Variants in LRP5 observed in about 807,000 individuals in gnomAD.
LRP5 encodes the protein LDL receptor related protein 5.
Under a neutral mutation model 154.1 loss-of-function variants are expected in LRP5, and 62 were observed. That is an observed-to-expected ratio of 0.40 (90% confidence interval 0.33 to 0.50). The LOEUF is 0.50. LRP5 is among the 20% of genes least tolerant of loss of function. The pLI, the probability that LRP5 is intolerant of heterozygous loss-of-function variation, is 0.55. For missense variants in LRP5, 1,915 were observed against 2,336.7 expected (o/e 0.82, Z 3.72); for synonymous variants, 966 against 1,011.5 (o/e 0.96, Z 0.85).
At chr11:68,389,820 C>T (rs1160477776) in intron 6 of LRP5, 61 bp from the exon 7 acceptor site, 2 of 1,589,098 alleles carry the variant, frequency 1.3e-6, no homozygotes, top group African/African-American at 1.3e-5. Flanking sequence ...GCTCTTGGCA[C>T]TGGGGATGCT....
At chr11:68,378,131 T>C (rs2098638376) in intron 5 of LRP5, among the ~76,000 whole-genome samples, 1 of 150,682 alleles carries the variant, frequency 6.6e-6, no homozygotes, top group Non-Finnish European at 1.5e-5. Flanking sequence ...GGGGCTGCCC[T>C]GCCTCCTTTT....
intron 5 of LRP5, among the ~76,000 whole-genome samples, chr11:68,368,042 G>A (rs376459704): frequency 2.7e-5 from 4 of 146,918 alleles, no homozygotes; most frequent in East Asian, 2.0e-4. Flanking sequence ...TCCAGCCTGG[G>A]CAACAGAGTG....
rs188136767 is a variant in LRP5 at position 68,427,911 on chromosome 11, T to C, written c.3638-1664T>C. On this transcript the variant is annotated intron_variant, in intron 16 of 22. Coordinates refer to ENST00000294304, the MANE Select transcript of LRP5 (RefSeq NM_002335.4). ...GACACATTTGGTTAACTGGATAGAA[T>C]AACGCGAGTTCCCAGGGACTTGGTC... 2.8e-4 allele frequency among the ~76,000 whole-genome samples: 43 copies of C among 152,254 alleles called. 1 individual carries two copies. Among genetic ancestry groups the C allele is most frequent in the African/African-American group, 1.0e-3 (42 of 41,554 alleles).
Position 68,316,442 on chromosome 11 carries a change from T to C in LRP5, c.91+3637T>C, listed in dbSNP as rs139475265. On this transcript the variant is annotated intron_variant, in intron 1 of 22. Coordinates refer to ENST00000294304, the MANE Select transcript of LRP5 (RefSeq NM_002335.4). The stretch of plus-strand genomic sequence containing the variant: ...GCCCGCCACCACGCCCAGCTAATTT[T>C]TGTATTTTTAGTAGAGACGGGATTT... Among the ~76,000 whole-genome samples, 537 of 152,212 alleles carry C rather than the reference T, an allele frequency of 3.5e-3. 3 individuals carry two copies. The highest frequency in any genetic ancestry group is 0.012 in the African/African-American group (510 of 41,522).
At chr11:68,392,325 G>A (rs1388682567) in intron 7 of LRP5, among the ~76,000 whole-genome samples, 2 of 151,756 alleles carry the variant, frequency 1.3e-5, no homozygotes, top group Non-Finnish European at 2.9e-5. Context: ...CCAACATGAT[G>A]AAATCCAGTC....
chr11:68,319,126 G>A, intron 1 of LRP5, among the ~76,000 whole-genome samples: 1 of 148,600 alleles, frequency 6.7e-6, no homozygotes, highest in East Asian at 2.0e-4. Context: ...GCCCAGGATG[G>A]AGTGCGGTGG....
intron 7 of LRP5, among the ~76,000 whole-genome samples, chr11:68,400,257 AC>A (rs1159850435): frequency 6.6e-6 from 1 of 152,030 alleles, no homozygotes; most frequent in Non-Finnish European, 1.5e-5. Context: ...GCTGCCCAGC[AC>A]CCTTGTTTGC....
At chr11:68,429,216 G>A (rs1264196122) in intron 16 of LRP5, among the ~76,000 whole-genome samples, 1 of 151,866 alleles carries the variant, frequency 6.6e-6, no homozygotes, top group Non-Finnish European at 1.5e-5. Context: ...TCGCACCACT[G>A]CCCTCCAGCC....
chr11:68,429,605 G>T lies in LRP5; in HGVS notation c.3668G>T (p.Gly1223Val). ...CACCCATGTGCCCGTGACAATGGTG[G>T]CTGCTCCCACATCTGTATTGCCAAG... ...SAHPCARDNG[G>V]CSHICIAKGD... The change falls in exon 17 of 23, where the codon GGC becomes GTC. Residue 1223 changes from glycine to valine, a missense_variant. By Grantham distance (109) the Gly-to-Val change is moderately radical. This residue lies in a region of LRP5 where 1,094 missense variants were observed against 1,210.1 expected (regional missense o/e 0.90). Coordinates refer to ENST00000294304, the MANE Select transcript of LRP5 (RefSeq NM_002335.4). The T allele has an allele frequency of 6.2e-7, 1 of 1,614,176 alleles. No homozygotes were observed. Among genetic ancestry groups the T allele is most frequent in the South Asian group, 1.1e-5 (1 of 91,090 alleles).
rs1353889210 is a variant in LRP5 at position 68,438,616 on chromosome 11, A to C, written c.4282A>C (p.Ser1428Arg). ...ANGPFPHEYV[S>R]GTPHVPLNFI... ...CGGGCCCTTCCCGCACGAGTATGTC[A>C]GCGGGACCCCGCACGTGCCCCTCAA... is the stretch of plus-strand genomic sequence containing the variant. Residue 1428 changes from serine to arginine, a missense_variant, in exon 20 of 23, where the codon AGC becomes CGC. Ser to Arg is a moderately radical substitution (Grantham distance 110, BLOSUM62 -1). Around this residue, in one of 3 missense-constraint regions of LRP5, gnomAD observed 1,094 missense variants for 1,210.1 expected, o/e 0.90. Coordinates refer to ENST00000294304, the MANE Select transcript of LRP5 (RefSeq NM_002335.4). 1.2e-6 allele frequency: 2 copies of C among 1,613,696 alleles called. No individual in the cohort carries two copies. Among genetic ancestry groups the C allele is most frequent in the South Asian group, 2.2e-5 (2 of 91,078 alleles).
intron 1 of LRP5, among the ~76,000 whole-genome samples, chr11:68,336,038 T>A (rs2098605498): frequency 6.6e-6 from 1 of 152,134 alleles, no homozygotes; most frequent in Admixed American, 6.5e-5. Flanking sequence ...ATATCCTACC[T>A]CCATCAGCAG....
At chr11:68,344,849 C>CTCTTTTT (rs1296907089) in intron 1 of LRP5, among the ~76,000 whole-genome samples, 17 of 65,576 alleles carry the variant, frequency 2.6e-4, no homozygotes, top group African/African-American at 1.0e-3. Context: ...GAATCTCTCT[C>CTCTTTTT]TTTTTTTTTT....
chr11:68,417,449 CTTT>C (rs1161126346), intron 13 of LRP5, among the ~76,000 whole-genome samples: 3 of 41,594 alleles, frequency 7.2e-5, no homozygotes, highest in African/African-American at 3.2e-4. Context: ...AACAGATTGG[CTTT>C]TTTTTTTTTT....
intron 5 of LRP5, among the ~76,000 whole-genome samples, chr11:68,378,544 G>A (rs902576972): frequency 6.6e-6 from 1 of 151,860 alleles, no homozygotes; most frequent in South Asian, 2.1e-4. Context: ...CTTAGAGACC[G>A]AGAGCCTCTA....
rs755274667 is a variant in LRP5, at chr11:68,410,082, G to A, written c.2260G>A (p.Val754Ile). ...GCGGCTGGACGGGCAGTTCCGGCAA[G>A]TCCTCGTGTGGAGGGACTTGGACAA... ...VARLDGQFRQVLVWRDLDNPR... is the reference protein window; with the variant it reads ...VARLDGQFRQILVWRDLDNPR... Residue 754 changes from valine (V) to isoleucine (I), a missense_variant, in exon 10 of 23, where the codon GTC (valine) becomes ATC (isoleucine). Coordinates refer to ENST00000294304, the MANE Select transcript of LRP5 (RefSeq NM_002335.4). The A allele has an allele frequency of 5.6e-6, 9 of 1,614,050 alleles. 1 individual carries two copies. The South Asian group carries it at 9.9e-5, about 18-fold the overall frequency.
chr11:68,407,249 A>G (rs1344934833), intron 9 of LRP5, among the ~76,000 whole-genome samples: 1 of 151,034 alleles, frequency 6.6e-6, no homozygotes, highest in Non-Finnish European at 1.5e-5. Flanking sequence ...GCTCACTGCA[A>G]CCTCCGCCTC....
At chr11:68,437,707 C>T (rs1321833440) in intron 19 of LRP5, among the ~76,000 whole-genome samples, 2 of 152,202 alleles carry the variant, frequency 1.3e-5, no homozygotes. Context: ...CAAGGGACTC[C>T]CTGTGCCCTT....
chr11:68,390,533 A>C (rs1034456497), intron 7 of LRP5, among the ~76,000 whole-genome samples: 14 of 152,282 alleles, frequency 9.2e-5, no homozygotes, highest in Middle Eastern at 3.2e-3. Context: ...GTTCCTAAGC[A>C]GTTGAAGGCA....
chr11:68,426,615 G>A (rs1038045338), intron 16 of LRP5, among the ~76,000 whole-genome samples: 1 of 151,762 alleles, frequency 6.6e-6, no homozygotes, highest in African/African-American at 2.4e-5. Context: ...TAGAGACGGG[G>A]TTTCCCCATG....
Sources: gnomAD v4.1 joint callset for allele counts (sites outside exome capture counted in the v4.1 genomes callset) on GRCh38, gnomAD v4.1.1 for gene constraint, gnomAD v4.1.1 regional missense constraint, MANE v1.5 for transcripts, NCBI Gene and HGNC (gene_info 2026-07-23, HGNC 2026-07-21) for gene names.